The following AGBL1 variants were observed in gnomAD, a reference collection of about 807,000 sequenced individuals.
The protein encoded by AGBL1 is cytosolic carboxypeptidase 4.
Under a neutral mutation model 118.9 loss-of-function variants are expected in AGBL1, and 130 were observed. The observed-to-expected ratio is 1.09, with a 90% CI of 0.95 to 1.26. The LOEUF is 1.26. AGBL1 is among the 50% of genes most tolerant of loss of function. The pLI, the probability that AGBL1 is intolerant of heterozygous loss-of-function variation, is 0.00. For synonymous variants in AGBL1, 555 were observed against 478.9 expected, an observed-to-expected ratio of 1.16 and a Z score of -2.08; for missense variants, 1,584 against 1,298.1, an observed-to-expected ratio of 1.22 and a Z score of -3.38.
intron 21 of AGBL1, among the ~76,000 whole-genome samples, chr15:86,653,668 T>C (rs2085415264): frequency 6.6e-6 from 1 of 152,170 alleles, no homozygotes; most frequent in South Asian, 2.1e-4. Flanking sequence ...GACCACAGGC[T>C]GTCTCCACTC....
intron 21 of AGBL1, among the ~76,000 whole-genome samples, chr15:86,632,037 T>TC (rs5814255): frequency 6.6e-6 from 1 of 151,340 alleles, no homozygotes; most frequent in Non-Finnish European, 1.5e-5. Context: ...CAATTTTTTT[T>TC]TTTTTTAAAG....
intron 22 of AGBL1, among the ~76,000 whole-genome samples, chr15:86,750,704 T>C (rs1216728820): frequency 6.6e-6 from 1 of 152,130 alleles, no homozygotes; most frequent in Non-Finnish European, 1.5e-5. Context: ...AATTGTGTCA[T>C]GGGCATTTGT....
intron 18 of AGBL1, among the ~76,000 whole-genome samples, chr15:86,458,000 A>C (rs1260454157): frequency 6.6e-6 from 1 of 152,158 alleles, no homozygotes; most frequent in Non-Finnish European, 1.5e-5. Flanking sequence ...AAGTGAAGAC[A>C]ATGCAGGTTT....
intron 17 of AGBL1, among the ~76,000 whole-genome samples, chr15:86,334,521 C>T (rs756256997): frequency 1.8e-4 from 27 of 152,040 alleles, no homozygotes; most frequent in Admixed American, 1.2e-3. Flanking sequence ...ATGACAGAAA[C>T]AAATGGATGA....
At chr15:86,705,830 T>C (rs2086440207) in intron 22 of AGBL1, among the ~76,000 whole-genome samples, 1 of 152,140 alleles carries the variant, frequency 6.6e-6, no homozygotes, top group African/African-American at 2.4e-5. Flanking sequence ...GTTAAAAAGA[T>C]AAAATTCAGT....
intron 21 of AGBL1, among the ~76,000 whole-genome samples, chr15:86,557,624 G>A (rs2083752870): frequency 6.6e-6 from 1 of 152,132 alleles, no homozygotes. Flanking sequence ...ACCCACAAGG[G>A]CTCCTTTAAT....
chr15:86,482,149 C>G (rs1319568246), intron 18 of AGBL1, among the ~76,000 whole-genome samples: 1 of 152,206 alleles, frequency 6.6e-6, no homozygotes, highest in East Asian at 1.9e-4. Context: ...TATTTATAAT[C>G]CTTTTGAGCT....
At chr15:86,273,040 A>G (rs2079186606) in intron 15 of AGBL1, among the ~76,000 whole-genome samples, 1 of 152,240 alleles carries the variant, frequency 6.6e-6, no homozygotes, top group Non-Finnish European at 1.5e-5. Context: ...GTTTTCTCTG[A>G]AAATAGTTAT....
At chr15:86,719,967 C>T (rs1343496044) in intron 22 of AGBL1, among the ~76,000 whole-genome samples, 1 of 152,214 alleles carries the variant, frequency 6.6e-6, no homozygotes. Context: ...CGATTTTTCC[C>T]TAGCTTTCTC....
intron 24 of AGBL1, among the ~76,000 whole-genome samples, chr15:87,013,463 TAAC>T (rs1474816042): frequency 3.3e-5 from 5 of 152,202 alleles, no homozygotes; most frequent in Non-Finnish European, 7.3e-5. Flanking sequence ...CAAACATTCT[TAAC>T]AATGTTTAAA....
chr15:86,392,168 A>T (rs1028227714), intron 17 of AGBL1, among the ~76,000 whole-genome samples: 12 of 152,116 alleles, frequency 7.9e-5, no homozygotes, highest in Admixed American at 2.0e-4. Context: ...ACAGCCACAT[A>T]CAAATGGGAT....
chr15:86,264,611 C>G lies in AGBL1; in HGVS notation c.1440C>G (p.Ala480=). 1 of 1,613,816 alleles carries G rather than the reference C, an allele frequency of 6.2e-7. No individual in the cohort carries two copies. The change falls in exon 11 of 23, where the codon GCC becomes GCG. Residue 480 remains alanine (A), a synonymous_variant. Coordinates refer to ENST00000614907, the MANE Select transcript of AGBL1 (RefSeq NM_001386094.1). The part of the protein sequence containing the change: ...VDAIFCPRMS[A]SFSNSTRTRE... ...CAATTTTCTGCCCAAGGATGAGTGC[C>G]TCCTTTTCTAATTCCACTAGGACTA...
intron 22 of AGBL1, among the ~76,000 whole-genome samples, chr15:86,751,889 A>G (rs11073665): frequency 0.21 from 32,596 of 151,970 alleles, 3,642 homozygotes; most frequent in East Asian, 0.29. Flanking sequence ...GGAAAAAAAC[A>G]TGTTTTAATC....
chr15:86,124,447 T>C (rs1418822081), intron 1 of AGBL1, among the ~76,000 whole-genome samples: 3 of 152,134 alleles, frequency 2.0e-5, no homozygotes, highest in African/African-American at 7.2e-5. Context: ...CATGCTATTA[T>C]AAGATGTTGA....
chr15:86,082,332 C>G (rs888202710), intron 1 of AGBL1, among the ~76,000 whole-genome samples: 5 of 152,174 alleles, frequency 3.3e-5, no homozygotes, highest in African/African-American at 9.7e-5. Flanking sequence ...AAGATCTTAC[C>G]AATTCAAACC....
intron 17 of AGBL1, among the ~76,000 whole-genome samples, chr15:86,321,932 C>G (rs1169673284): frequency 6.6e-6 from 1 of 151,652 alleles, no homozygotes; most frequent in Non-Finnish European, 1.5e-5. Context: ...TTAAAATTTT[C>G]AAATATGTGA....
chr15:86,732,534 A>T (rs752003507), intron 22 of AGBL1, among the ~76,000 whole-genome samples: 2 of 152,208 alleles, frequency 1.3e-5, no homozygotes, highest in South Asian at 4.1e-4. Context: ...TGTAGTTAAG[A>T]ACCACGATTG....
chr15:86,159,745 A>G (rs1355853578), intron 5 of AGBL1, among the ~76,000 whole-genome samples: 1 of 152,124 alleles, frequency 6.6e-6, no homozygotes, highest in African/African-American at 2.4e-5. Flanking sequence ...CCAATTTCCA[A>G]GATAGATGGG....
At chr15:86,155,414 C>T (rs907947867) in intron 4 of AGBL1, among the ~76,000 whole-genome samples, 2 of 152,098 alleles carry the variant, frequency 1.3e-5, no homozygotes, top group Admixed American at 6.6e-5. Context: ...TGTGACCCTG[C>T]ACTCCAGCCT....
Sources: gnomAD v4.1 joint callset for allele counts (sites outside exome capture counted in the v4.1 genomes callset) on GRCh38, gnomAD v4.1.1 for gene constraint, MANE v1.5 for transcripts, NCBI Gene and HGNC (gene_info 2026-07-23, HGNC 2026-07-21) for gene names.